Variants in GRID2 observed in about 807,000 individuals in gnomAD.
GRID2 encodes the protein glutamate ionotropic receptor delta type subunit 2.
Under a neutral mutation model 114.8 loss-of-function variants are expected in GRID2, and 33 were observed. The ratio of observed to expected loss-of-function variants is 0.29; its 90% CI spans 0.22 to 0.38. The LOEUF (loss-of-function observed/expected upper bound fraction) is 0.38. GRID2 is among the 10% of genes least tolerant of loss of function. The probability of loss-of-function intolerance (pLI) is 1.00; values close to 1 mark genes in which losing one functional copy is unlikely to be tolerated. For synonymous variants in GRID2, 505 were observed against 449.9 expected (o/e 1.12, Z -1.55); for missense variants, 1,184 against 1,257.7 (o/e 0.94, Z 0.89).
intron 8 of GRID2, among the ~76,000 whole-genome samples, chr4:93,387,829 C>CAAAA (rs11453782): frequency 1.0e-5 from 1 of 99,062 alleles, no homozygotes; most frequent in Admixed American, 1.2e-4. Context: ...GACTCTGTCT[C>CAAAA]AAAAAAAAAA....
intron 2 of GRID2, among the ~76,000 whole-genome samples, chr4:92,938,919 A>G (rs1472463495): frequency 6.8e-6 from 1 of 147,104 alleles, no homozygotes; most frequent in African/African-American, 2.4e-5. Context: ...GCTGCATAGT[A>G]TTCCATGGTG....
At chr4:93,073,174 A>G (rs898245740) in intron 2 of GRID2, among the ~76,000 whole-genome samples, 1 of 152,218 alleles carries the variant, frequency 6.6e-6, no homozygotes, top group East Asian at 1.9e-4. Context: ...GCGACTAGTG[A>G]TGCTGGAAGT....
At chr4:93,428,662 T>C (rs572918924) in intron 10 of GRID2, among the ~76,000 whole-genome samples, 1 of 152,256 alleles carries the variant, frequency 6.6e-6, no homozygotes, top group Admixed American at 6.5e-5. Context: ...AATATAAATA[T>C]AGTTCAAGCA....
At chr4:93,634,326 G>A (rs974503133) in intron 14 of GRID2, among the ~76,000 whole-genome samples, 13 of 152,156 alleles carry the variant, frequency 8.5e-5, no homozygotes, top group African/African-American at 2.9e-4. Flanking sequence ...AAATAAAAAC[G>A]GCCATCATGT....
Position 93,515,229 on chromosome 4 carries a change from C to T in GRID2, c.2011C>T (p.Leu671Phe). The T allele has an allele frequency of 6.3e-7, 1 of 1,588,206 alleles. No homozygotes were observed. Among genetic ancestry groups the T allele is most frequent in the South Asian group, 1.1e-5 (1 of 89,006 alleles). ...IESSIQSLQD[L>F]SKQTEIPYGT... is the part of the protein sequence containing the mutation. Reference sequence around the variant, plus strand: ...CCAATAATCAAGGTCTCTCCAGGACCTTTCCAAGCAAACAGAAATCCCTTA... The same window carrying T: ...CCAATAATCAAGGTCTCTCCAGGACTTTTCCAAGCAAACAGAAATCCCTTA... Residue 671 changes from leucine to phenylalanine, a missense_variant, in exon 13 of 16, where the codon CTT becomes TTT. Coordinates refer to ENST00000282020, the MANE Select transcript of GRID2 (RefSeq NM_001510.4).
At chr4:93,549,236 C>A (rs1733533990) in intron 13 of GRID2, among the ~76,000 whole-genome samples, 1 of 152,130 alleles carries the variant, frequency 6.6e-6, no homozygotes, top group Non-Finnish European at 1.5e-5. Flanking sequence ...GAGTCAAAAA[C>A]TCATCCAAGG....
At chr4:93,231,666 G>A (rs1041550412) in intron 7 of GRID2, among the ~76,000 whole-genome samples, 1 of 152,138 alleles carries the variant, frequency 6.6e-6, no homozygotes, top group African/African-American at 2.4e-5. Context: ...AACAGTCATT[G>A]CAAAACTAGA....
intron 2 of GRID2, among the ~76,000 whole-genome samples, chr4:92,717,134 A>G (rs12501433): frequency 0.025 from 3,879 of 152,226 alleles, 60 homozygotes; most frequent in Non-Finnish European, 0.037. Flanking sequence ...GGGAGGGTAA[A>G]GAGAGGCAGA....
At chr4:92,429,691 C>T (rs1358789343) in intron 1 of GRID2, among the ~76,000 whole-genome samples, 1 of 152,102 alleles carries the variant, frequency 6.6e-6, no homozygotes, top group Non-Finnish European at 1.5e-5. Flanking sequence ...TCTATAGTGG[C>T]TGTACTAATG....
chr4:92,577,325 T>C (rs1727943089), intron 1 of GRID2, among the ~76,000 whole-genome samples: 1 of 152,124 alleles, frequency 6.6e-6, no homozygotes, highest in East Asian at 1.9e-4. Context: ...GTGGGTTTAG[T>C]GGAGGTATAA....
chr4:93,584,957 T>C (rs1737380856), intron 13 of GRID2, among the ~76,000 whole-genome samples: 1 of 152,118 alleles, frequency 6.6e-6, no homozygotes. Context: ...AAGGACTCTC[T>C]GGTGAAGCTT....
intron 1 of GRID2, among the ~76,000 whole-genome samples, chr4:92,469,618 A>G (rs189941463): frequency 2.1e-4 from 32 of 152,186 alleles, no homozygotes; most frequent in African/African-American, 7.0e-4. Context: ...GTGGAATCCA[A>G]GAATACAGAA....
At chr4:93,131,241 C>T (rs1337965878) in intron 4 of GRID2, among the ~76,000 whole-genome samples, 1 of 149,088 alleles carries the variant, frequency 6.7e-6, no homozygotes, top group Non-Finnish European at 1.5e-5. Flanking sequence ...GCAACCTCCA[C>T]CTCCCAGGTT....
At chr4:92,614,615 T>C (rs1377447845) in intron 2 of GRID2, among the ~76,000 whole-genome samples, 3 of 151,664 alleles carry the variant, frequency 2.0e-5, no homozygotes, top group Non-Finnish European at 3.0e-5. Context: ...TGACACTTAC[T>C]CTATAGTCCA....
intron 1 of GRID2, among the ~76,000 whole-genome samples, chr4:92,412,284 G>A (rs1427593719): frequency 6.6e-6 from 1 of 152,012 alleles, no homozygotes; most frequent in African/African-American, 2.4e-5. Flanking sequence ...ACCAAGCTAT[G>A]TGCCAACTTA....
At chr4:92,545,032 G>A (rs1227855101) in intron 1 of GRID2, among the ~76,000 whole-genome samples, 1 of 151,888 alleles carries the variant, frequency 6.6e-6, no homozygotes, top group Non-Finnish European at 1.5e-5. Flanking sequence ...CACTTGCTTT[G>A]ATTGAAATTG....
At chr4:92,684,993 G>A (rs1235165560) in intron 2 of GRID2, among the ~76,000 whole-genome samples, 2 of 151,972 alleles carry the variant, frequency 1.3e-5, no homozygotes, top group African/African-American at 4.8e-5. Context: ...CAAAGTGAAT[G>A]TAGTTAAACC....
At chr4:92,918,206 C>G (rs1343731516) in intron 2 of GRID2, among the ~76,000 whole-genome samples, 1 of 152,066 alleles carries the variant, frequency 6.6e-6, no homozygotes, top group Non-Finnish European at 1.5e-5. Flanking sequence ...GATTTTGTAT[C>G]CTGAGACTTT....
chr4:93,384,321 G>A (rs986609240), intron 8 of GRID2, among the ~76,000 whole-genome samples: 4 of 152,140 alleles, frequency 2.6e-5, no homozygotes, highest in Non-Finnish European at 4.4e-5. Context: ...AATGGTATGT[G>A]TGCACAGGGA....
Sources: allele counts gnomAD v4.1 joint callset (sites outside exome capture counted in the v4.1 genomes callset), GRCh38; gene constraint gnomAD v4.1.1; transcripts MANE v1.5; gene names NCBI Gene and HGNC (gene_info 2026-07-23, HGNC 2026-07-21).